The following NTRK2 variants were observed in gnomAD, a reference collection of about 807,000 sequenced individuals.
The protein encoded by NTRK2 is BDNF/NT-3 growth factors receptor.
A neutral mutation model predicts 94.5 loss-of-function variants in NTRK2; 13 were observed. The observed-to-expected ratio is 0.14, with a 90% CI of 0.09 to 0.22. NTRK2 has a LOEUF of 0.22. NTRK2 is among the 10% of genes least tolerant of loss of function. The pLI is 1.00. For missense variants in NTRK2, 639 were observed against 1,071.2 expected (o/e 0.60, Z 5.63); for synonymous variants, 372 against 407.4 (o/e 0.91, Z 1.05).
chr9:84,926,189 T>C (rs370109429), intron 14 of NTRK2, among the ~76,000 whole-genome samples: 45 of 133,308 alleles, frequency 3.4e-4, no homozygotes, highest in East Asian at 1.3e-3. Flanking sequence ...TTTCTTTCTT[T>C]CTTTCTTTCT....
chr9:84,836,869 C>A (rs946811165), intron 12 of NTRK2, among the ~76,000 whole-genome samples: 1 of 149,958 alleles, frequency 6.7e-6, no homozygotes, highest in Non-Finnish European at 1.5e-5. Flanking sequence ...GCGAGTGTAA[C>A]TTTGGGTTTT....
chr9:84,943,376 C>T (rs1273475033), intron 15 of NTRK2, among the ~76,000 whole-genome samples: 1 of 152,140 alleles, frequency 6.6e-6, no homozygotes, highest in East Asian at 1.9e-4. Context: ...TTCTATTTCA[C>T]CAGCACTAGT....
intron 12 of NTRK2, among the ~76,000 whole-genome samples, chr9:84,777,957 T>C (rs1190765501): frequency 6.6e-6 from 1 of 152,156 alleles, no homozygotes; most frequent in Non-Finnish European, 1.5e-5. Context: ...ACAGTGCAAT[T>C]TGATTTTTCG....
intron 12 of NTRK2, among the ~76,000 whole-genome samples, chr9:84,819,871 C>T (rs989095914): frequency 6.6e-6 from 1 of 152,136 alleles, no homozygotes; most frequent in East Asian, 1.9e-4. Context: ...TTACCCCGCC[C>T]GCATCTCTCT....
intron 14 of NTRK2, among the ~76,000 whole-genome samples, chr9:84,924,261 AAG>A (rs1360345438): frequency 2.0e-5 from 3 of 151,526 alleles, no homozygotes; most frequent in African/African-American, 7.3e-5. Flanking sequence ...GAAAGAAAGA[AAG>A]AAAGAAAGAA....
intron 11 of NTRK2, among the ~76,000 whole-genome samples, chr9:84,746,132 G>A (rs992841335): frequency 5.9e-5 from 9 of 152,108 alleles, no homozygotes; most frequent in African/African-American, 1.9e-4. Context: ...ACCTGTTTTT[G>A]TATGGTTTTC....
intron 17 of NTRK2, among the ~76,000 whole-genome samples, chr9:85,009,684 C>T (rs149661257): frequency 1.6e-3 from 242 of 152,288 alleles, no homozygotes; most frequent in African/African-American, 5.6e-3. Context: ...TTAACTCTTA[C>T]AATCATCATA....
chr9:84,738,171 C>T (rs192121602), intron 9 of NTRK2, among the ~76,000 whole-genome samples: 3 of 151,590 alleles, frequency 2.0e-5, no homozygotes, highest in South Asian at 4.1e-4. Context: ...TTCTTGCTAC[C>T]TAAATCTGAG....
At chr9:84,961,619 T>C (rs1439970319) in intron 17 of NTRK2, among the ~76,000 whole-genome samples, 1 of 149,774 alleles carries the variant, frequency 6.7e-6, no homozygotes, top group Non-Finnish European at 1.5e-5. Context: ...CATTCATTCA[T>C]TTTATCAGTA....
intron 14 of NTRK2, among the ~76,000 whole-genome samples, chr9:84,931,791 G>A (rs2078045776): frequency 6.6e-6 from 1 of 150,858 alleles, no homozygotes; most frequent in African/African-American, 2.4e-5. Flanking sequence ...TAAATCAAGT[G>A]GGAATTTAAT....
chr9:84,874,227 T>C (rs1419602412), intron 14 of NTRK2: 2 of 1,065,432 alleles, frequency 1.9e-6, no homozygotes, highest in Non-Finnish European at 2.3e-6. Context: ...AGTAGCCTCC[T>C]ATGTTGCTAA....
intron 2 of NTRK2, among the ~76,000 whole-genome samples, chr9:84,688,446 C>T (rs1202142591): frequency 6.6e-6 from 1 of 152,102 alleles, no homozygotes; most frequent in African/African-American, 2.4e-5. Flanking sequence ...CAGTGCCCCA[C>T]CCTCTCTTCA....
chr9:85,005,519 A>T (rs561232858), intron 17 of NTRK2, among the ~76,000 whole-genome samples: 1 of 152,330 alleles, frequency 6.6e-6, no homozygotes, highest in African/African-American at 2.4e-5. Context: ...GCCTGGAAGT[A>T]GCAAATTATT....
chr9:84,950,331 A>C (rs2078735870), intron 16 of NTRK2, among the ~76,000 whole-genome samples: 1 of 152,160 alleles, frequency 6.6e-6, no homozygotes, highest in Non-Finnish European at 1.5e-5. Flanking sequence ...CAAGGGAGGG[A>C]AGAAATGTGC....
intron 6 of NTRK2, among the ~76,000 whole-genome samples, chr9:84,712,551 A>G (rs2061479413): frequency 6.6e-6 from 1 of 152,212 alleles, no homozygotes; most frequent in East Asian, 1.9e-4. Flanking sequence ...GATGCTTTTC[A>G]AAAAGCAACA....
At chr9:84,727,196 CA>C (rs556298253) in intron 8 of NTRK2, among the ~76,000 whole-genome samples, 2 of 151,872 alleles carry the variant, frequency 1.3e-5, no homozygotes, top group Non-Finnish European at 2.9e-5. Flanking sequence ...GGGCTTCAGG[CA>C]AAATTTTAAA....
At chr9:84,670,998 C>T (rs1204678772) in intron 2 of NTRK2, 38 bp downstream of exon 2, 1 of 1,589,534 alleles carries the variant, frequency 6.3e-7, no homozygotes, top group Non-Finnish European at 8.5e-7. Flanking sequence ...TTCTCCTTGC[C>T]CCTAGGGCCC....
chr9:84,985,502 T>C (rs1248452063), intron 17 of NTRK2, among the ~76,000 whole-genome samples: 2 of 152,232 alleles, frequency 1.3e-5, no homozygotes, highest in Non-Finnish European at 2.9e-5. Flanking sequence ...AAAGGTCTGT[T>C]AATCGCTGGT....
intron 12 of NTRK2, among the ~76,000 whole-genome samples, chr9:84,851,467 A>G (rs1289788787): frequency 1.3e-5 from 2 of 152,196 alleles, no homozygotes; most frequent in Non-Finnish European, 2.9e-5. Context: ...ACCCAGCTTT[A>G]TAAGTGTGTA....
Sources: gnomAD v4.1 joint callset for allele counts (sites outside exome capture counted in the v4.1 genomes callset) on GRCh38, gnomAD v4.1.1 for gene constraint, MANE v1.5 for transcripts, NCBI Gene and HGNC (gene_info 2026-07-23, HGNC 2026-07-21) for gene names.